Variants in NCOR1 observed in about 807,000 individuals in gnomAD.
NCOR1 encodes the protein nuclear receptor corepressor 1.
A neutral mutation model predicts 288.1 loss-of-function variants in NCOR1; 63 were observed. The ratio of observed to expected loss-of-function variants is 0.22; its 90% CI spans 0.18 to 0.27. The LOEUF (loss-of-function observed/expected upper bound fraction) is 0.27, where lower values mean the gene tolerates loss of function less well. NCOR1 is among the 10% of genes least tolerant of loss of function. The pLI is 1.00. For synonymous variants in NCOR1, 1,007 were observed against 1,065.9 expected (o/e 0.94, Z 1.08); for missense variants, 2,397 against 3,019.2 (o/e 0.79, Z 4.83).
intron 21 of NCOR1, among the ~76,000 whole-genome samples, chr17:16,096,858 A>G (rs1191588507): frequency 6.6e-6 from 1 of 152,242 alleles, no homozygotes; most frequent in African/African-American, 2.4e-5. Context: ...ACTAGTCACA[A>G]TAGTCCAGAG....
rs1314543620 is a variant in NCOR1 at position 16,108,836 on chromosome 17, T to A, written c.2132A>T (p.Asp711Val). The change falls in exon 19 of 46, where the codon GAT (aspartate) becomes GTT (valine). Residue 711 changes from aspartate (D) to valine (V), a missense_variant. Coordinates refer to ENST00000268712, the MANE Select transcript of NCOR1 (RefSeq NM_006311.4). ...TTCATTGGAGGCTTCAATATCTTCA[T>A]CCTCCTGAGCAGAAACAGTGGAAGC... ...SVASTVSAQE[D>V]EDIEASNEEE... The A allele has an allele frequency of 1.2e-6, 2 of 1,606,846 alleles. No individual in the cohort carries two copies. The highest frequency in any genetic ancestry group is 1.7e-6 in the Non-Finnish European group (2 of 1,175,738).
intron 42 of NCOR1, among the ~76,000 whole-genome samples, chr17:16,046,527 T>C (rs904615072): frequency 5.3e-5 from 8 of 152,230 alleles, no homozygotes; most frequent in African/African-American, 1.9e-4. Flanking sequence ...AATGAGGACA[T>C]GTGACCCACA....
chr17:16,192,051 A>T (rs1179888440), intron 2 of NCOR1: 1 of 151,778 alleles, frequency 6.6e-6, no homozygotes, highest in Non-Finnish European at 1.5e-5. Flanking sequence ...AAACAAAAAA[A>T]ATGGAGCAGG....
chr17:16,169,225 C>T lies in NCOR1; in HGVS notation c.435+2578G>A, dbSNP rs2082642743. Among the ~76,000 whole-genome samples the T allele has an allele frequency of 2.6e-5, 4 of 152,120 alleles. No homozygotes were observed. The South Asian group carries it at 6.2e-4, about 24-fold the overall frequency. ...TATTCATACGGGCTGACTCTGGACA[C>T]ACTGCCTTATGGGTTAGCCCTGTTC... On this transcript the variant is annotated intron_variant, in intron 4 of 45. Coordinates refer to ENST00000268712, the MANE Select transcript of NCOR1 (RefSeq NM_006311.4).
chr17:16,133,064 G>A lies in NCOR1; in HGVS notation c.1509+4247C>T, dbSNP rs2075890666. The stretch of plus-strand genomic sequence containing the variant: ...GCTCGCTGCAACCTCTGCTTCCCAG[G>A]TTCAAGCGATTTTTCTACCTCAGCC... On this transcript the variant is annotated intron_variant, in intron 14 of 45. Transcript: ENST00000268712. 3.3e-5 allele frequency among the ~76,000 whole-genome samples: 5 copies of A among 151,938 alleles called. No individual in the cohort carries two copies. The South Asian group carries it at 1.0e-3, about 32-fold the overall frequency.
chr17:16,156,480 A>C (rs1434830449), intron 6 of NCOR1, among the ~76,000 whole-genome samples: 1 of 150,438 alleles, frequency 6.6e-6, no homozygotes, highest in East Asian at 2.0e-4. Flanking sequence ...AAAAAAAAGA[A>C]AAGAAAAGAA....
chr17:16,093,658 T>C (rs1352100232), intron 21 of NCOR1, among the ~76,000 whole-genome samples: 1 of 152,208 alleles, frequency 6.6e-6, no homozygotes, highest in Non-Finnish European at 1.5e-5. Flanking sequence ...GCGTAAGTAG[T>C]ATTATTCACT....
chr17:16,214,868 C>A (rs1047985660), intron 1 of NCOR1, among the ~76,000 whole-genome samples: 1 of 152,238 alleles, frequency 6.6e-6, no homozygotes, highest in Admixed American at 6.5e-5. Context: ...CGCCATTACA[C>A]CCTGAAGCGG....
At chr17:16,038,171 A>G in intron 44 of NCOR1, among the ~76,000 whole-genome samples, 1 of 146,456 alleles carries the variant, frequency 6.8e-6, no homozygotes, top group East Asian at 1.9e-4. Flanking sequence ...AAACTAAAAC[A>G]GAAATACTGC....
intron 44 of NCOR1, chr17:16,039,222 T>A (rs2057083778): frequency 1.8e-6 from 1 of 560,932 alleles, no homozygotes; most frequent in African/African-American, 1.9e-5. Context: ...GGTGACACTT[T>A]GGGTAAAAAT....
chr17:16,145,455 GTGCCTCGGCCCCA>G (rs879724807), intron 10 of NCOR1, among the ~76,000 whole-genome samples: 2,342 of 131,702 alleles, frequency 0.018, 77 homozygotes, highest in Non-Finnish European at 0.029. Context: ...GATGTGGGGA[GTGCCTCGGCCCCA>G]CCGCCCCGTC....
intron 42 of NCOR1, chr17:16,044,871 G>A: frequency 1.3e-6 from 1 of 777,878 alleles, no homozygotes; most frequent in Non-Finnish European, 2.2e-6. Context: ...CCACTCCACT[G>A]CTGCTGCTCC....
chr17:16,069,826 T>C (rs2061541201), intron 31 of NCOR1, among the ~76,000 whole-genome samples: 1 of 152,198 alleles, frequency 6.6e-6, no homozygotes, highest in Non-Finnish European at 1.5e-5. Context: ...CAGAGGCTAC[T>C]TACAGCTTTC....
At chr17:16,075,839 AAATTAGACATTG>A in intron 26 of NCOR1, 137 bp from the exon 27 acceptor site, 3 of 877,352 alleles carry the variant, frequency 3.4e-6, no homozygotes, top group Non-Finnish European at 5.1e-6. Context: ...ACATGAAAGG[AAATTAGACATTG>A]AATTTTTATC....
chr17:16,166,003 T>C (rs2081940361), intron 4 of NCOR1, among the ~76,000 whole-genome samples: 1 of 152,200 alleles, frequency 6.6e-6, no homozygotes, highest in Admixed American at 6.5e-5. Context: ...TAAGGAACTG[T>C]GAAAAGTCAA....
At chr17:16,114,286 C>A (rs771155825) in intron 18 of NCOR1, among the ~76,000 whole-genome samples, 3 of 152,072 alleles carry the variant, frequency 2.0e-5, no homozygotes, top group African/African-American at 7.2e-5. Context: ...CACTGGGTCC[C>A]TCCCACAACA....
At chr17:16,201,828 G>A (rs1389142123) in intron 1 of NCOR1, among the ~76,000 whole-genome samples, 1 of 152,122 alleles carries the variant, frequency 6.6e-6, no homozygotes, top group Non-Finnish European at 1.5e-5. Flanking sequence ...GGTGGCTCAC[G>A]TCTGTAATCC....
chr17:16,168,727 T>C lies in NCOR1; in HGVS notation c.435+3076A>G, dbSNP rs375322003. 1.6e-4 allele frequency among the ~76,000 whole-genome samples: 25 copies of C among 151,942 alleles called. No homozygotes were observed. The East Asian group carries it at 1.9e-3, about 12-fold the overall frequency. On this transcript the variant is annotated intron_variant, in intron 4 of 45. Transcript: ENST00000268712. The stretch of plus-strand genomic sequence containing the variant: ...GGCTCACGCCTATAATCCCAGCATA[T>C]TGGGAGGCCAAAGCGGGCAGATCAC...
Position 16,031,188 on chromosome 17 carries a change from A to G in NCOR1, c.*1108T>C. On this transcript the variant is annotated 3_prime_UTR_variant, in exon 46 of 46. Coordinates refer to ENST00000268712, the MANE Select transcript of NCOR1 (RefSeq NM_006311.4). ...CAGTAAACTCTTGTCCCAAGGGAGC[A>G]AAGTGAGAGTAAATGCTGGTCCATA... 5.0e-6 allele frequency: 1 copy of G among 199,582 alleles called. No individual in the cohort carries two copies. Among genetic ancestry groups the G allele is most frequent in the East Asian group, 7.8e-5 (1 of 12,836 alleles). The allele number at this position is 199,582 out of a possible 1,614,324, so 12.4% of individuals were successfully genotyped here.
Sources: allele counts gnomAD v4.1 joint callset (sites outside exome capture counted in the v4.1 genomes callset), GRCh38; gene constraint gnomAD v4.1.1; transcripts MANE v1.5; gene names NCBI Gene and HGNC (gene_info 2026-07-23, HGNC 2026-07-21).